MALRD1: variants seen among roughly 807,000 people sequenced by gnomAD.
The protein encoded by MALRD1 is MAM and LDL-receptor class A domain-containing protein 1.
Under a neutral mutation model 242.1 loss-of-function variants are expected in MALRD1, and 247 were observed. The ratio of observed to expected loss-of-function variants is 1.02; its 90% CI spans 0.92 to 1.13. The LOEUF (loss-of-function observed/expected upper bound fraction) is 1.13. Among genes scored for constraint, MALRD1 ranks in the 50% most tolerant of loss-of-function variants. The pLI, the probability that MALRD1 is intolerant of heterozygous loss-of-function variation, is 0.00. For missense variants in MALRD1, 2,989 were observed against 2,533.1 expected, an observed-to-expected ratio of 1.18 and a Z score of -3.86; for synonymous variants, 995 against 866.6, an observed-to-expected ratio of 1.15 and a Z score of -2.60.
intron 26 of MALRD1, among the ~76,000 whole-genome samples, chr10:19,353,939 T>C (rs968490321): frequency 6.6e-6 from 1 of 151,976 alleles, no homozygotes; most frequent in African/African-American, 2.4e-5. Context: ...TTGGCCAGGC[T>C]GGTCTGAAAC....
intron 32 of MALRD1, among the ~76,000 whole-genome samples, chr10:19,539,914 GCACACA>G (rs762357091): frequency 0.45 from 37,494 of 83,544 alleles, 7,060 homozygotes; most frequent in Non-Finnish European, 0.58. Flanking sequence ...GCGCGTGCGC[GCACACA>G]CGCGCAGTGA....
chr10:19,530,354 A>G (rs1310854233), intron 31 of MALRD1, among the ~76,000 whole-genome samples: 1 of 90,392 alleles, frequency 1.1e-5, no homozygotes. Context: ...ATAAATATAT[A>G]ATATTTATAT....
At chr10:19,238,571 CATAATGT>C (rs1564493059) in intron 18 of MALRD1, among the ~76,000 whole-genome samples, 2 of 61,176 alleles carry the variant, frequency 3.3e-5, no homozygotes, top group East Asian at 8.2e-4. Context: ...ATATAATATA[CATAATGT>C]ATATTATATA....
chr10:19,196,160 C>T (rs553879067), intron 14 of MALRD1, among the ~76,000 whole-genome samples: 1 of 152,266 alleles, frequency 6.6e-6, no homozygotes, highest in Non-Finnish European at 1.5e-5. Context: ...CTTCTGTCTA[C>T]CAGTCTTTTC....
intron 33 of MALRD1, among the ~76,000 whole-genome samples, chr10:19,568,134 C>T (rs973355332): frequency 6.6e-6 from 1 of 152,062 alleles, no homozygotes; most frequent in African/African-American, 2.4e-5. Flanking sequence ...AGCTAGAATG[C>T]TCATTCTATT....
chr10:19,155,341 T>A (rs1652536667), intron 12 of MALRD1, among the ~76,000 whole-genome samples, 169 bp downstream of exon 12: 1 of 152,216 alleles, frequency 6.6e-6, no homozygotes, highest in Admixed American at 6.5e-5. Context: ...TAGAATACCA[T>A]TTGTAACACA....
intron 31 of MALRD1, among the ~76,000 whole-genome samples, chr10:19,520,144 C>T (rs1187005939): frequency 6.6e-6 from 1 of 152,220 alleles, no homozygotes; most frequent in Admixed American, 6.5e-5. Context: ...TACTAACTTT[C>T]CCCCAACTAC....
intron 20 of MALRD1, among the ~76,000 whole-genome samples, chr10:19,281,086 A>T (rs1840781007): frequency 6.6e-6 from 1 of 151,764 alleles, no homozygotes. Context: ...TATTCTTTTA[A>T]TCTAGAAAAA....
intron 6 of MALRD1, among the ~76,000 whole-genome samples, 163 bp downstream of exon 6, chr10:19,123,756 A>G (rs1265982808): frequency 6.6e-6 from 1 of 152,162 alleles, no homozygotes; most frequent in East Asian, 1.9e-4. Context: ...AAATATATCA[A>G]TTTAAGGCGA....
At chr10:19,459,977 G>A (rs1047319536) in intron 29 of MALRD1, among the ~76,000 whole-genome samples, 3 of 151,962 alleles carry the variant, frequency 2.0e-5, no homozygotes, top group African/African-American at 7.2e-5. Context: ...ATTATCCTCA[G>A]TTCATGTAAT....
At chr10:19,238,983 A>G (rs1029257698) in intron 18 of MALRD1, among the ~76,000 whole-genome samples, 2 of 151,370 alleles carry the variant, frequency 1.3e-5, no homozygotes, top group Admixed American at 6.6e-5. Flanking sequence ...GTGATGTTGA[A>G]CATGATTTTA....
At chr10:19,254,852 A>G (rs1839434607) in intron 18 of MALRD1, among the ~76,000 whole-genome samples, 2 of 152,014 alleles carry the variant, frequency 1.3e-5, no homozygotes, top group African/African-American at 4.8e-5. Context: ...CATGATGGCT[A>G]AAGTGAAAGT....
intron 36 of MALRD1, among the ~76,000 whole-genome samples, chr10:19,621,444 T>C (rs1839399016): frequency 6.7e-6 from 1 of 149,784 alleles, no homozygotes; most frequent in Admixed American, 6.6e-5. Flanking sequence ...AAAAATGAAA[T>C]TGAAAAAGTA....
intron 19 of MALRD1, among the ~76,000 whole-genome samples, chr10:19,279,706 A>G (rs1416103646): frequency 6.6e-6 from 1 of 152,192 alleles, no homozygotes; most frequent in Non-Finnish European, 1.5e-5. Context: ...AGTTATTTAG[A>G]TCTTTACTCT....
intron 11 of MALRD1, among the ~76,000 whole-genome samples, chr10:19,149,230 C>T (rs1833849803): frequency 6.6e-6 from 1 of 152,058 alleles, no homozygotes; most frequent in East Asian, 1.9e-4. Context: ...ATTCTCCTGC[C>T]TTTTCCTCCC....
intron 1 of MALRD1, chr10:19,052,030 GA>G: frequency 3.0e-6 from 1 of 330,374 alleles, no homozygotes; most frequent in Non-Finnish European, 5.9e-6. Context: ...AGATTTGTAA[GA>G]AAAATTAATA....
chr10:19,394,793 T>C (rs1048009732), intron 28 of MALRD1, among the ~76,000 whole-genome samples: 6 of 152,188 alleles, frequency 3.9e-5, no homozygotes, highest in African/African-American at 1.4e-4. Context: ...GCATTTCAGA[T>C]TTTGGATTGC....
chr10:19,431,933 T>C (rs1834147554), intron 28 of MALRD1, among the ~76,000 whole-genome samples: 1 of 152,204 alleles, frequency 6.6e-6, no homozygotes, highest in African/African-American at 2.4e-5. Flanking sequence ...TGTCAGGTGC[T>C]TCCTAAGGCC....
At chr10:19,602,974 G>C (rs1322607769) in intron 34 of MALRD1, among the ~76,000 whole-genome samples, 3 of 152,094 alleles carry the variant, frequency 2.0e-5, no homozygotes, top group Non-Finnish European at 4.4e-5. Flanking sequence ...TCATGTGTCT[G>C]TTGGCTGCAT....
Sources: allele counts gnomAD v4.1 joint callset (sites outside exome capture counted in the v4.1 genomes callset), GRCh38; gene constraint gnomAD v4.1.1; transcripts MANE v1.5; gene names NCBI Gene and HGNC (gene_info 2026-07-23, HGNC 2026-07-21).